PACRG: variants seen among roughly 807,000 people sequenced by gnomAD.
PACRG encodes parkin coregulated.
In PACRG, 29 loss-of-function variants were observed where a neutral mutation model predicts 29.7. The observed-to-expected ratio is 0.98, with a 90% confidence interval of 0.73 to 1.33. PACRG has a LOEUF of 1.33. Ranked by LOEUF, PACRG falls within the 40% of genes most tolerant of loss-of-function variation. The pLI is 0.00. For synonymous variants in PACRG, 116 were observed against 118.7 expected (o/e 0.98, Z 0.15); for missense variants, 279 against 316.2 (o/e 0.88, Z 0.89).
intron 2 of PACRG, among the ~76,000 whole-genome samples, chr6:163,014,875 G>A (rs1805948615): frequency 6.6e-6 from 1 of 151,964 alleles, no homozygotes; most frequent in African/African-American, 2.4e-5. Context: ...GTCAGTTTTT[G>A]TTTTTGTTGC....
At chr6:163,169,180 C>CT (rs1217004776) in intron 4 of PACRG, among the ~76,000 whole-genome samples, 1 of 152,202 alleles carries the variant, frequency 6.6e-6, no homozygotes, top group Non-Finnish European at 1.5e-5. Flanking sequence ...CCCAGTTGTC[C>CT]TTTTTCTAAT....
At chr6:163,273,211 T>C (rs1045681635) in intron 4 of PACRG, among the ~76,000 whole-genome samples, 1 of 152,230 alleles carries the variant, frequency 6.6e-6, no homozygotes, top group African/African-American at 2.4e-5. Context: ...TCTTTTGATA[T>C]GTGGCTGGAT....
intron 1 of PACRG, among the ~76,000 whole-genome samples, chr6:162,774,871 C>T (rs1258320934): frequency 1.3e-5 from 2 of 152,132 alleles, no homozygotes; most frequent in South Asian, 2.1e-4. Context: ...CTGCCCTACC[C>T]GACTAGAAAT....
intron 2 of PACRG, among the ~76,000 whole-genome samples, chr6:162,823,767 C>A (rs1030247717): frequency 3.3e-5 from 5 of 152,146 alleles, no homozygotes; most frequent in Admixed American, 3.3e-4. Flanking sequence ...CCTGCCTAGG[C>A]CTCCCAAAGT....
intron 4 of PACRG, among the ~76,000 whole-genome samples, chr6:163,197,749 G>T (rs1780536488): frequency 6.6e-6 from 1 of 152,012 alleles, no homozygotes; most frequent in Non-Finnish European, 1.5e-5. Flanking sequence ...GAGCCCGCCG[G>T]CTATTTTCTA....
At chr6:162,796,274 T>C (rs1391319135) in intron 1 of PACRG, among the ~76,000 whole-genome samples, 1 of 152,190 alleles carries the variant, frequency 6.6e-6, no homozygotes, top group African/African-American at 2.4e-5. Context: ...TGGGTCACTT[T>C]GTTTTTAGCA....
chr6:162,987,278 G>A (rs867846345), intron 2 of PACRG, among the ~76,000 whole-genome samples: 5 of 152,228 alleles, frequency 3.3e-5, no homozygotes, highest in Middle Eastern at 3.4e-3. Flanking sequence ...TGCATTGATT[G>A]TTATTGCTCT....
At chr6:163,048,721 T>G (rs935135754) in intron 2 of PACRG, among the ~76,000 whole-genome samples, 6 of 152,190 alleles carry the variant, frequency 3.9e-5, no homozygotes, top group African/African-American at 1.4e-4. Flanking sequence ...CTTTCTATAA[T>G]GGTTTTCTCT....
chr6:163,030,197 AC>A (rs199993729), intron 2 of PACRG, among the ~76,000 whole-genome samples: 23,196 of 152,124 alleles, frequency 0.15, 1,913 homozygotes, highest in East Asian at 0.26. Context: ...GGCATATGAA[AC>A]TATACCTGTG....
intron 2 of PACRG, among the ~76,000 whole-genome samples, chr6:162,817,623 G>C (rs1787470015): frequency 6.6e-6 from 1 of 152,128 alleles, no homozygotes; most frequent in Non-Finnish European, 1.5e-5. Context: ...CTTGAAATGT[G>C]CCTACGGAGA....
chr6:163,246,303 G>C (rs1782694949), intron 4 of PACRG, among the ~76,000 whole-genome samples: 1 of 152,110 alleles, frequency 6.6e-6, no homozygotes, highest in Non-Finnish European at 1.5e-5. Context: ...CACCAAGATT[G>C]ATGCTGCCTC....
intron 2 of PACRG, among the ~76,000 whole-genome samples, chr6:162,908,218 T>C (rs892310415): frequency 6.6e-6 from 1 of 152,250 alleles, no homozygotes; most frequent in African/African-American, 2.4e-5. Flanking sequence ...ACTACATTAA[T>C]GTTTGGTTTT....
intron 4 of PACRG, among the ~76,000 whole-genome samples, chr6:163,197,802 A>T (rs934822425): frequency 6.6e-6 from 1 of 152,090 alleles, no homozygotes; most frequent in Non-Finnish European, 1.5e-5. Flanking sequence ...ATTTTAAGGG[A>T]ATTGACAAGG....
intron 2 of PACRG, among the ~76,000 whole-genome samples, chr6:162,947,294 A>C (rs1448778677): frequency 3.4e-4 from 5 of 14,658 alleles, no homozygotes; most frequent in Non-Finnish European, 5.4e-4. Context: ...TCATACATAT[A>C]ATCATATAAT....
At chr6:163,246,944 TC>T (rs1782720757) in intron 4 of PACRG, among the ~76,000 whole-genome samples, 1 of 152,174 alleles carries the variant, frequency 6.6e-6, no homozygotes, top group Admixed American at 6.5e-5. Context: ...TAAGTGAAGG[TC>T]ACACAGTACA....
intron 2 of PACRG, among the ~76,000 whole-genome samples, chr6:162,873,418 T>C (rs1412477966): frequency 1.3e-5 from 2 of 152,228 alleles, no homozygotes; most frequent in East Asian, 1.9e-4. Context: ...TCAACACATA[T>C]GTGTCTGTCT....
intron 4 of PACRG, among the ~76,000 whole-genome samples, chr6:163,300,093 G>A (rs1478417317): frequency 2.0e-5 from 3 of 152,232 alleles, no homozygotes; most frequent in Non-Finnish European, 2.9e-5. Flanking sequence ...TAACACTGGG[G>A]TGAAGCCAGA....
chr6:163,094,954 C>T (rs545133200), intron 4 of PACRG, among the ~76,000 whole-genome samples: 60 of 152,310 alleles, frequency 3.9e-4, no homozygotes, highest in Admixed American at 2.0e-4. Context: ...AGTGCAATAT[C>T]CCTACTTCTT....
At chr6:162,945,410 GT>G (rs1229137381) in intron 2 of PACRG, among the ~76,000 whole-genome samples, 3 of 151,792 alleles carry the variant, frequency 2.0e-5, no homozygotes, top group African/African-American at 7.3e-5. Flanking sequence ...AAAAATGAAG[GT>G]TATTATATAA....
Sources: gnomAD v4.1 joint callset for allele counts (sites outside exome capture counted in the v4.1 genomes callset) on GRCh38, gnomAD v4.1.1 for gene constraint, MANE v1.5 for transcripts, NCBI Gene and HGNC (gene_info 2026-07-23, HGNC 2026-07-21) for gene names.